The following GDA variants were observed in gnomAD, a reference collection of about 807,000 sequenced individuals.
The protein encoded by GDA is cytoplasmic PSD-95 interactor.
Under a neutral mutation model 59.6 loss-of-function variants are expected in GDA, and 18 were observed. The ratio of observed to expected loss-of-function variants is 0.30; its 90% CI spans 0.21 to 0.45. The LOEUF is 0.45. Ranked by LOEUF, GDA falls within the 20% of genes least tolerant of loss-of-function variation. The pLI is 1.00. For synonymous variants in GDA, 201 were observed against 201.1 expected, an observed-to-expected ratio of 1.00 and a Z score of 0.00; for missense variants, 427 against 552.3, an observed-to-expected ratio of 0.77 and a Z score of 2.27.
chr9:72,221,107 C>A (rs1379022832), intron 6 of GDA, among the ~76,000 whole-genome samples: 1 of 152,054 alleles, frequency 6.6e-6, no homozygotes, highest in African/African-American at 2.4e-5. Context: ...TCTATGAGTC[C>A]TTCTCTCCTG....
chr9:72,210,069 C>A (rs1268885868), intron 3 of GDA, among the ~76,000 whole-genome samples: 1 of 152,162 alleles, frequency 6.6e-6, no homozygotes, highest in African/African-American at 2.4e-5. Flanking sequence ...TTTAATCATA[C>A]CTGCATAGAC....
rs978107748 is a variant in GDA, at chr9:72,250,121, C to G, written c.*1779C>G. The G allele has an allele frequency of 3.0e-6, 3 of 985,034 alleles. No individual in the cohort carries two copies. The African/African-American group carries it at 5.2e-5, about 17-fold the overall frequency. The allele number at this position is 985,034 out of a possible 1,614,324, so 61.0% of individuals were successfully genotyped here. ...CAAAGATGCCTTGCCAAATTTCTCC[C>G]CATTTCTCTACGGGGCTAGCAAAAA... On this transcript the variant is annotated 3_prime_UTR_variant, in exon 14 of 14. Coordinates refer to ENST00000358399, the MANE Select transcript of GDA (RefSeq NM_004293.5).
At chr9:72,192,223 C>CT (rs869237933) in intron 1 of GDA, among the ~76,000 whole-genome samples, 11,248 of 46,268 alleles carry the variant, frequency 0.24, 4,697 homozygotes, top group Non-Finnish European at 0.33. Flanking sequence ...TTCAAATAGC[C>CT]TTTTTTTTTT....
At chr9:72,228,668 A>C (rs1207519198) in intron 9 of GDA, 2 of 152,618 alleles carry the variant, frequency 1.3e-5, no homozygotes. Flanking sequence ...CAGGCAGATC[A>C]CTTGAGGTCA....
upstream of GDA, chr9:72,149,394 G>A: frequency 1.5e-6 from 1 of 654,214 alleles, no homozygotes; most frequent in East Asian, 3.2e-5. Context: ...GCCAGCCCCT[G>A]GGCGCGGCCT....
chr9:72,177,003 G>C (rs1464890882), intron 1 of GDA, among the ~76,000 whole-genome samples: 1 of 152,006 alleles, frequency 6.6e-6, no homozygotes, highest in Admixed American at 6.6e-5. Flanking sequence ...CGTAATAGTG[G>C]AGGACTGAAA....
At chr9:72,224,014 T>C (rs1292846109) in intron 7 of GDA, among the ~76,000 whole-genome samples, 2 of 152,244 alleles carry the variant, frequency 1.3e-5, no homozygotes, top group African/African-American at 2.4e-5. Flanking sequence ...CCTATTATTG[T>C]TATTATTATT....
At chr9:72,135,461 A>C (rs923449844) in intron 1 of GDA, among the ~76,000 whole-genome samples, 4 of 152,184 alleles carry the variant, frequency 2.6e-5, no homozygotes, top group African/African-American at 7.2e-5. Flanking sequence ...CATAGTCATA[A>C]GTAGCAGATC....
chr9:72,168,390 C>CTTTTTTTTT (rs77778231), intron 1 of GDA, among the ~76,000 whole-genome samples: 4 of 105,876 alleles, frequency 3.8e-5, no homozygotes, highest in African/African-American at 7.1e-5. Context: ...GAGACTTTGT[C>CTTTTTTTTT]TTTTTTTTTT....
chr9:72,213,263 TC>T (rs1835618773), intron 4 of GDA, among the ~76,000 whole-genome samples: 1 of 152,028 alleles, frequency 6.6e-6, no homozygotes, highest in Non-Finnish European at 1.5e-5. Context: ...TGAGACTCCG[TC>T]TCAAAAACAA....
chr9:72,210,036 T>G (rs1472153173), intron 3 of GDA, among the ~76,000 whole-genome samples: 1 of 152,176 alleles, frequency 6.6e-6, no homozygotes, highest in Non-Finnish European at 1.5e-5. Context: ...GGTTGGCTGA[T>G]TTCAACAAGG....
intron 1 of GDA, among the ~76,000 whole-genome samples, chr9:72,128,296 C>T (rs1825915352): frequency 6.6e-6 from 1 of 152,084 alleles, no homozygotes; most frequent in African/African-American, 2.4e-5. Context: ...CTATACTCAC[C>T]TCATATTTCA....
At chr9:72,258,700 C>T (rs554422841), downstream of GDA, among the ~76,000 whole-genome samples, 2 of 152,336 alleles carry the variant, frequency 1.3e-5, no homozygotes, top group South Asian at 4.1e-4. Context: ...TGACCAAACA[C>T]AAACGGGTGG....
chr9:72,231,312 C>A, intron 10 of GDA, 131 bp downstream of exon 10: 1 of 589,972 alleles, frequency 1.7e-6, no homozygotes, highest in Non-Finnish European at 3.1e-6. Flanking sequence ...CACGGTAGCT[C>A]ACGTCTGTAA....
At chr9:72,130,750 AT>A (rs1200678136) in intron 1 of GDA, among the ~76,000 whole-genome samples, 1 of 152,204 alleles carries the variant, frequency 6.6e-6, no homozygotes, top group African/African-American at 2.4e-5. Flanking sequence ...TTAGAGTGAA[AT>A]TGATTCTTGT....
chr9:72,217,160 T>G (rs977839469), intron 5 of GDA, among the ~76,000 whole-genome samples: 3 of 152,234 alleles, frequency 2.0e-5, no homozygotes, highest in Admixed American at 6.5e-5. Flanking sequence ...TTTTTAAAAA[T>G]AGCAGTATGT....
chr9:72,133,308 A>AATAATAATAATAAT (rs1554722434), intron 1 of GDA, among the ~76,000 whole-genome samples: 5 of 101,558 alleles, frequency 4.9e-5, no homozygotes, highest in Non-Finnish European at 6.3e-5. Context: ...AAAAAAAAAA[A>AATAATAATAATAAT]AATAATAATA....
intron 1 of GDA, among the ~76,000 whole-genome samples, chr9:72,159,362 C>T (rs1386976605): frequency 6.6e-6 from 1 of 151,902 alleles, no homozygotes; most frequent in Non-Finnish European, 1.5e-5. Context: ...CCACTGCACT[C>T]CAGCCTGGGT....
Position 72,219,479 on chromosome 9 carries a change from A to C in GDA, c.579A>C (p.Arg193Ser), listed in dbSNP as rs1344559135. The C allele has an allele frequency of 6.3e-7, 1 of 1,593,802 alleles. No homozygotes were observed. The highest frequency in any genetic ancestry group is 1.3e-5 in the African/African-American group (1 of 74,176). Reference sequence around the variant, plus strand: ...TAACCCATTTGTTGCTTTATTTCAGATTTGTGTCAGAAATGCTCCAAAAGA... The same window carrying C: ...TAACCCATTTGTTGCTTTATTTCAGCTTTGTGTCAGAAATGCTCCAAAAGA... ...TTEESIKETE[R>S]FVSEMLQKNY... The change falls in exon 6 of 14, where the codon AGA (arginine) becomes AGC (serine). Residue 193 changes from arginine to serine, a missense_variant and splice_region_variant. Transcript: ENST00000358399.
Sources: allele counts gnomAD v4.1 joint callset (sites outside exome capture counted in the v4.1 genomes callset), GRCh38; gene constraint gnomAD v4.1.1; transcripts MANE v1.5; gene names NCBI Gene and HGNC (gene_info 2026-07-23, HGNC 2026-07-21).